SEPTIN14: variants seen among roughly 807,000 people sequenced by gnomAD.
SEPTIN14 encodes septin 14.
A neutral mutation model predicts 53.6 loss-of-function variants in SEPTIN14; 40 were observed. The ratio of observed to expected loss-of-function variants is 0.75; its 90% CI spans 0.58 to 0.97. The LOEUF is 0.97. Among genes scored for constraint, SEPTIN14 ranks in the 50% least tolerant of loss-of-function variants. The pLI is 0.00. For synonymous variants in SEPTIN14, 138 were observed against 166.8 expected (o/e 0.83, Z 1.33); for missense variants, 471 against 508.2 (o/e 0.93, Z 0.70).
chr7:55,830,440 G>A (rs1215434581), intron 6 of SEPTIN14, among the ~76,000 whole-genome samples: 1 of 144,446 alleles, frequency 6.9e-6, no homozygotes, highest in Non-Finnish European at 1.5e-5. Context: ...TCCGCCTCTC[G>A]GGTTCACGCC....
At chr7:55,861,477 G>A (rs541345432) in intron 2 of SEPTIN14, among the ~76,000 whole-genome samples, 12 of 149,490 alleles carry the variant, frequency 8.0e-5, no homozygotes, top group Non-Finnish European at 1.6e-4. Context: ...ACTCCAGCCT[G>A]AGCAACAGAG....
chr7:55,840,079 A>T (rs1789282052), intron 5 of SEPTIN14, among the ~76,000 whole-genome samples: 1 of 150,340 alleles, frequency 6.7e-6, no homozygotes, highest in East Asian at 2.0e-4. Context: ...TGGGAGACGG[A>T]GGTTGCAGTG....
intron 2 of SEPTIN14, among the ~76,000 whole-genome samples, chr7:55,853,739 A>T (rs1373323866): frequency 6.6e-6 from 1 of 152,194 alleles, no homozygotes; most frequent in Non-Finnish European, 1.5e-5. Context: ...TTATCCTGAT[A>T]TGATTATTAC....
At chr7:55,807,397 C>A (rs1788627520) in intron 7 of SEPTIN14, 139 bp from the exon 8 acceptor site, 3 of 577,406 alleles carry the variant, frequency 5.2e-6, no homozygotes, top group Admixed American at 3.7e-5. Context: ...AGCTATAATT[C>A]TTTTAAGCAT....
chr7:55,825,001 T>C (rs1788958924), intron 6 of SEPTIN14, among the ~76,000 whole-genome samples: 1 of 152,094 alleles, frequency 6.6e-6, no homozygotes, highest in African/African-American at 2.4e-5. Context: ...TCAGTATTTA[T>C]CCAAATAAGT....
At position 55,826,705 on chromosome 7, in the gene SEPTIN14, G is replaced by C. The variant is rs1788993515; in HGVS notation, c.721-7482C>G. Among the ~76,000 whole-genome samples the C allele has an allele frequency of 2.6e-5, 4 of 151,696 alleles. No homozygotes were observed. In the South Asian group the frequency reaches 8.3e-4, roughly 32 times the overall value. Reference sequence around the variant, plus strand: ...CCAGCTACTCAGGAGGCTGAGGCAGGAGAATTGCTTGAACCCAGGAGGTAG... The same window carrying C: ...CCAGCTACTCAGGAGGCTGAGGCAGCAGAATTGCTTGAACCCAGGAGGTAG... On this transcript the variant is annotated intron_variant, in intron 6 of 9. Coordinates refer to ENST00000388975, the MANE Select transcript of SEPTIN14 (RefSeq NM_207366.3).
In SEPTIN14 at chr7:55,795,006, T is replaced by C. The variant is rs187450909; in HGVS notation, c.*907A>G. 5.3e-5 allele frequency: 8 copies of C among 152,286 alleles called. No individual in the cohort carries two copies. Among genetic ancestry groups the C allele is most frequent in the Admixed American group, 4.6e-4 (7 of 15,280 alleles). 9.4% of individuals were successfully genotyped at this position (152,286 alleles called of 1,614,324 possible). ...TATACCCCAAATCTGTAACACATAA[T>C]ATTATCATTCAAATGCAACTCTTTC... On this transcript the variant is annotated 3_prime_UTR_variant, in exon 10 of 10. Coordinates refer to ENST00000388975, the MANE Select transcript of SEPTIN14 (RefSeq NM_207366.3).
chr7:55,800,690 GT>G (rs1368034072), intron 9 of SEPTIN14, among the ~76,000 whole-genome samples: 6 of 152,198 alleles, frequency 3.9e-5, no homozygotes, highest in African/African-American at 1.2e-4. Flanking sequence ...GCTGGGAAGG[GT>G]GGTAGGGGTG....
At chr7:55,835,290 C>T (rs1393102713) in intron 5 of SEPTIN14, among the ~76,000 whole-genome samples, 1 of 151,992 alleles carries the variant, frequency 6.6e-6, no homozygotes, top group African/African-American at 2.4e-5. Flanking sequence ...GCAAGCTCCG[C>T]CTCCCAGGTT....
At chr7:55,826,689 C>T (rs1214291596) in intron 6 of SEPTIN14, among the ~76,000 whole-genome samples, 1 of 151,558 alleles carries the variant, frequency 6.6e-6, no homozygotes, top group East Asian at 1.9e-4. Flanking sequence ...CCCAGCTACT[C>T]AGGAGGCTGA....
intron 6 of SEPTIN14, among the ~76,000 whole-genome samples, chr7:55,820,190 G>A (rs1199757424): frequency 2.0e-5 from 3 of 152,014 alleles, no homozygotes; most frequent in Non-Finnish European, 2.9e-5. Flanking sequence ...TAGTAGAGAC[G>A]GAGTTTCACC....
intron 6 of SEPTIN14, among the ~76,000 whole-genome samples, chr7:55,829,547 A>ATATCT (rs1349746127): frequency 1.3e-5 from 2 of 152,226 alleles, no homozygotes; most frequent in East Asian, 3.9e-4. Flanking sequence ...ACTAATATGA[A>ATATCT]TATCTCTATG....
chr7:55,826,536 G>A (rs531970316), intron 6 of SEPTIN14, among the ~76,000 whole-genome samples: 50 of 152,220 alleles, frequency 3.3e-4, no homozygotes, highest in African/African-American at 9.6e-4. Flanking sequence ...GGTGGCTCAC[G>A]CCTGTAATCC....
chr7:55,797,790 G>T (rs528752639), intron 9 of SEPTIN14, among the ~76,000 whole-genome samples: 2 of 152,154 alleles, frequency 1.3e-5, no homozygotes, highest in Admixed American at 6.5e-5. Context: ...CCAACATGGC[G>T]AAACCCTATC....
chr7:55,834,417 A>C lies in SEPTIN14; in HGVS notation c.720+8T>G, dbSNP rs767559138. 6.3e-7 allele frequency: 1 copy of C among 1,592,082 alleles called. No homozygotes were observed. Among genetic ancestry groups the C allele is most frequent in the Admixed American group, 1.8e-5 (1 of 55,456 alleles). ...AGCCTCTTTGTCAGATATGTTACTG[A>C]AACTTACACTAACTGAGGAGTTCGC... On this transcript the variant is annotated splice_region_variant and intron_variant, in intron 6 of 9. Transcript: ENST00000388975.
intron 6 of SEPTIN14, among the ~76,000 whole-genome samples, chr7:55,832,002 G>C (rs1056859399): frequency 6.6e-6 from 1 of 152,130 alleles, no homozygotes. Context: ...AGGAGTTCAA[G>C]ACCAGCCTGA....
chr7:55,804,757 G>T (rs13239121), intron 9 of SEPTIN14, among the ~76,000 whole-genome samples: 3,145 of 152,210 alleles, frequency 0.021, 39 homozygotes, highest in Middle Eastern at 0.027. Flanking sequence ...CACCAAAAAC[G>T]TATTTGTGGC....
intron 7 of SEPTIN14, among the ~76,000 whole-genome samples, chr7:55,813,383 A>G (rs1326938332): frequency 6.6e-6 from 1 of 152,164 alleles, no homozygotes; most frequent in Non-Finnish European, 1.5e-5. Context: ...CTGAAAGGCA[A>G]TCAGGCCCCA....
intron 2 of SEPTIN14, among the ~76,000 whole-genome samples, chr7:55,861,656 C>T (rs1165917758): frequency 1.3e-5 from 2 of 152,184 alleles, no homozygotes; most frequent in African/African-American, 4.8e-5. Flanking sequence ...CTGTTCTTCT[C>T]ATTTATTGGG....
Sources: gnomAD v4.1 joint callset for allele counts (sites outside exome capture counted in the v4.1 genomes callset) on GRCh38, gnomAD v4.1.1 for gene constraint, MANE v1.5 for transcripts, NCBI Gene and HGNC (gene_info 2026-07-23, HGNC 2026-07-21) for gene names.